LCORL: variants seen among roughly 807,000 people sequenced by gnomAD.
LCORL encodes ligand-dependent nuclear receptor corepressor-like protein.
LCORL carries 41 observed loss-of-function variants against 141.8 expected under a neutral mutation model. The observed-to-expected ratio is 0.29, with a 90% CI of 0.23 to 0.38. The LOEUF is 0.38. Among genes scored for constraint, LCORL ranks in the 10% least tolerant of loss-of-function variants. The probability of loss-of-function intolerance (pLI) is 1.00; values close to 1 mark genes in which losing one functional copy is unlikely to be tolerated. For synonymous variants in LCORL, 618 were observed against 694.1 expected (o/e 0.89, Z 1.72); for missense variants, 1,759 against 2,035.0 (o/e 0.86, Z 2.61).
At chr4:17,950,061 A>G (rs1265856046) in intron 4 of LCORL, among the ~76,000 whole-genome samples, 1 of 152,178 alleles carries the variant, frequency 6.6e-6, no homozygotes, top group Non-Finnish European at 1.5e-5. Context: ...TCAAGAGGTC[A>G]AAGATAACTC....
At chr4:17,843,407 C>CAATG in exon 8 of LCORL, 1 of 1,611,224 alleles carries the variant, frequency 6.2e-7, no homozygotes, top group Non-Finnish European at 8.5e-7. Flanking sequence ...CCCAATTTCT[C>CAATG]AATGAAGATC....
intron 1 of LCORL, among the ~76,000 whole-genome samples, chr4:18,001,639 A>G (rs1721978253): frequency 6.6e-6 from 1 of 152,240 alleles, no homozygotes; most frequent in African/African-American, 2.4e-5. Flanking sequence ...TGGAAGACAG[A>G]GAAAGGCACA....
rs1553863446 is a variant in LCORL, at chr4:17,897,213, C to CCTTTTTTTTTTTT, written c.683-11053_683-11052insAAAAAAAAAAAAG. 3.8e-3 allele frequency among the ~76,000 whole-genome samples: 244 copies of CCTTTTTTTTTTTT among 63,986 alleles called. 114 individuals carry two copies. The highest frequency in any genetic ancestry group is 0.029 in the Middle Eastern group (2 of 68). 42.0% of individuals were successfully genotyped at this position (63,986 alleles called of 152,430 possible). A position where few individuals can be genotyped will look rare whatever the true frequency, so the allele number is the denominator to read the frequency against. On this transcript the variant is annotated intron_variant, in intron 5 of 7. Transcript: ENST00000635767. ...AGACTTCTCTTTGATATACTGATTTCTTTTTTTTTTTTTTTTTTTTTTTTT... is the reference window on the plus strand; with the variant it reads ...AGACTTCTCTTTGATATACTGATTTCCTTTTTTTTTTTTTTTTTTTTTTTTTTTTTTTTTTTTT...
intron 1 of LCORL, among the ~76,000 whole-genome samples, chr4:18,008,919 T>C (rs1371712343): frequency 1.3e-5 from 2 of 152,122 alleles, no homozygotes; most frequent in Non-Finnish European, 2.9e-5. Context: ...AGGAAGACCT[T>C]TATCTTCCCA....
At position 17,842,495 on chromosome 4, in the gene LCORL, C is replaced by G. The variant is rs1329919750; in HGVS notation, c.*3393G>C. On this transcript the variant is annotated 3_prime_UTR_variant, in exon 8 of 8. Coordinates refer to ENST00000635767, the Ensembl canonical transcript of LCORL. ...AGAATATATAACAAGATAGTGAAAA[C>G]TATAAATAGCTGTCTTAGGTATATA... 9.0e-6 allele frequency: 7 copies of G among 781,718 alleles called. No individual in the cohort carries two copies. The African/African-American group carries it at 1.2e-4, about 14-fold the overall frequency. The allele number at this position is 781,718 out of a possible 1,614,324, so 48.4% of individuals were successfully genotyped here.
intron 4 of LCORL, among the ~76,000 whole-genome samples, chr4:17,935,664 C>T (rs1736732874): frequency 6.6e-6 from 1 of 152,162 alleles, no homozygotes; most frequent in Non-Finnish European, 1.5e-5. Flanking sequence ...CACCTTCTGC[C>T]ATTACTATAA....
At chr4:17,887,616 G>A (rs1728467078) in intron 5 of LCORL, among the ~76,000 whole-genome samples, 1 of 152,162 alleles carries the variant, frequency 6.6e-6, no homozygotes, top group Non-Finnish European at 1.5e-5. Flanking sequence ...AGTGAGCTGA[G>A]ATCAGAAATG....
At chr4:17,917,731 T>C (rs1733674108) in intron 4 of LCORL, among the ~76,000 whole-genome samples, 1 of 152,190 alleles carries the variant, frequency 6.6e-6, no homozygotes, top group South Asian at 2.1e-4. Context: ...TGCGGGTTGT[T>C]GTTGCTGTTT....
intron 1 of LCORL, among the ~76,000 whole-genome samples, chr4:18,000,940 G>T (rs1383505681): frequency 6.6e-6 from 1 of 152,196 alleles, no homozygotes; most frequent in Non-Finnish European, 1.5e-5. Flanking sequence ...AAGTAGCAAT[G>T]GAGCAGCAGC....
chr4:18,019,060 T>TA lies in LCORL; in HGVS notation c.154+2537dup, dbSNP rs558689202. The stretch of plus-strand genomic sequence containing the variant: ...AATAAGTGCTTAACACCTAAGATGC[T>TA]AAAAAAAGCCCAATCGACAAGTGTA... On this transcript the variant is annotated intron_variant, in intron 1 of 7. Transcript: ENST00000635767. 1.7e-3 allele frequency among the ~76,000 whole-genome samples: 260 copies of TA among 152,294 alleles called. 1 individual carries two copies. The highest frequency in any genetic ancestry group is 5.2e-3 in the African/African-American group (215 of 41,558).
intron 7 of LCORL, 138 bp from the exon 8 acceptor site, chr4:17,846,039 A>T (rs1722890954): frequency 1.5e-6 from 1 of 661,486 alleles, no homozygotes; most frequent in East Asian, 2.7e-5. Flanking sequence ...CTGAAAATAC[A>T]ACAGTTTTCT....
chr4:17,843,307 A>C (rs759399182), exon 8 of LCORL: 1 of 1,611,410 alleles, frequency 6.2e-7, no homozygotes, highest in Non-Finnish European at 8.5e-7. Context: ...TTTAGTGATC[A>C]TGAAGTTCCA....
intron 1 of LCORL, among the ~76,000 whole-genome samples, chr4:17,994,738 T>A (rs1720625271): frequency 6.6e-6 from 1 of 151,842 alleles, no homozygotes; most frequent in Admixed American, 6.6e-5. Flanking sequence ...AGAAAAGAGT[T>A]GCGCCCTCAA....
At chr4:17,920,956 C>T (rs982885914) in intron 4 of LCORL, among the ~76,000 whole-genome samples, 6 of 152,158 alleles carry the variant, frequency 3.9e-5, no homozygotes, top group African/African-American at 1.4e-4. Context: ...CAACTTTTTC[C>T]AAATCAACTT....
At chr4:17,994,321 G>C (rs534775582) in intron 1 of LCORL, among the ~76,000 whole-genome samples, 1 of 151,710 alleles carries the variant, frequency 6.6e-6, no homozygotes, top group Admixed American at 6.6e-5. Context: ...TCAATATTCC[G>C]TCTCATGTCA....
rs913156934 is a variant in LCORL at position 18,014,936 on chromosome 4, T to C, written c.154+6662A>G. ...GCAGGTCCTTAAAATTTTGGACCTA[T>C]GTCCTTGGTGCTCTGTTATCTATCA... is the stretch of plus-strand genomic sequence containing the variant. On this transcript the variant is annotated intron_variant, in intron 1 of 7. Coordinates refer to ENST00000635767, the Ensembl canonical transcript of LCORL. 7.2e-5 allele frequency among the ~76,000 whole-genome samples: 11 copies of C among 152,334 alleles called. No individual in the cohort carries two copies. The East Asian group carries it at 1.9e-3, about 27-fold the overall frequency.
chr4:17,912,159 C>T (rs912195678), intron 4 of LCORL: 22 of 1,013,406 alleles, frequency 2.2e-5, no homozygotes, highest in Middle Eastern at 2.8e-4. Flanking sequence ...TTCTGCAGAT[C>T]GACAATGCCC....
At chr4:17,920,931 TA>T (rs1734193496) in intron 4 of LCORL, among the ~76,000 whole-genome samples, 1 of 152,226 alleles carries the variant, frequency 6.6e-6, no homozygotes, top group African/African-American at 2.4e-5. Context: ...CAATGTTATC[TA>T]TGAGGGTTGG....
chr4:17,938,497 A>G (rs1465106533), intron 4 of LCORL, among the ~76,000 whole-genome samples: 1 of 149,146 alleles, frequency 6.7e-6, no homozygotes, highest in Non-Finnish European at 1.5e-5. Context: ...GCTCACTGCA[A>G]CCTCTGCCTC....
Sources: gnomAD v4.1 joint callset for allele counts (sites outside exome capture counted in the v4.1 genomes callset) on GRCh38, gnomAD v4.1.1 for gene constraint, MANE v1.5 for transcripts, NCBI Gene and HGNC (gene_info 2026-07-23, HGNC 2026-07-21) for gene names.